Variants in HS2ST1 observed in about 807,000 individuals in gnomAD.
HS2ST1 encodes the protein heparan sulfate 2-O-sulfotransferase 1.
HS2ST1 carries 18 observed loss-of-function variants against 42.9 expected under a neutral mutation model. The observed-to-expected ratio is 0.42, with a 90% confidence interval of 0.29 to 0.62. HS2ST1 has a LOEUF of 0.62. Ranked by LOEUF, HS2ST1 falls within the 20% of genes least tolerant of loss-of-function variation. HS2ST1 has a pLI of 0.21. For missense variants in HS2ST1, 334 were observed against 433.8 expected, an observed-to-expected ratio of 0.77 and a Z score of 2.04; for synonymous variants, 146 against 152.9, an observed-to-expected ratio of 0.95 and a Z score of 0.33.
intron 1 of HS2ST1, among the ~76,000 whole-genome samples, chr1:87,017,124 C>A (rs1649781715): frequency 1.3e-5 from 2 of 151,772 alleles, no homozygotes; most frequent in African/African-American, 4.8e-5. Flanking sequence ...AGTGTAGCAG[C>A]CTTTCTCTCT....
chr1:86,914,907 G>C lies in HS2ST1; in HGVS notation c.-130G>C. The C allele has an allele frequency of 8.7e-7, 1 of 1,143,802 alleles. No homozygotes were observed. The highest frequency in any genetic ancestry group is 1.3e-6 in the Non-Finnish European group (1 of 797,160). 70.9% of individuals were successfully genotyped at this position (1,143,802 alleles called of 1,614,324 possible). A position where few individuals can be genotyped will look rare whatever the true frequency, so the allele number is the denominator to read the frequency against. On this transcript the variant is annotated 5_prime_UTR_variant, in exon 1 of 7. Coordinates refer to ENST00000370550, the MANE Select transcript of HS2ST1 (RefSeq NM_012262.4). ...AGAGGCGAGAAGGGGGGTCGCTGCG[G>C]TGGTTCTCTCGCTGTCGCTCTCTCT...
intron 1 of HS2ST1, among the ~76,000 whole-genome samples, chr1:86,957,111 G>T (rs936644211): frequency 5.3e-5 from 8 of 152,112 alleles, no homozygotes; most frequent in African/African-American, 1.9e-4. Context: ...GAATTTTTAG[G>T]TAATGAACAA....
chr1:86,966,528 T>C (rs1282475531), intron 1 of HS2ST1, among the ~76,000 whole-genome samples: 2 of 152,260 alleles, frequency 1.3e-5, no homozygotes, highest in African/African-American at 4.8e-5. Context: ...TATTTCTTAG[T>C]TGGATTAGAA....
chr1:86,967,214 G>C (rs975730836), intron 1 of HS2ST1, among the ~76,000 whole-genome samples: 1 of 152,088 alleles, frequency 6.6e-6, no homozygotes, highest in Non-Finnish European at 1.5e-5. Flanking sequence ...CTTTGAAGGA[G>C]TATTAGGATC....
chr1:87,076,585 CTA>C (rs1299045396), intron 2 of HS2ST1, among the ~76,000 whole-genome samples: 1 of 151,938 alleles, frequency 6.6e-6, no homozygotes, highest in South Asian at 2.1e-4. Context: ...GTATGAGAAA[CTA>C]AGCAATTAGA....
At chr1:87,100,518 C>G (rs530045356) in intron 5 of HS2ST1, among the ~76,000 whole-genome samples, 1 of 152,302 alleles carries the variant, frequency 6.6e-6, no homozygotes, top group Non-Finnish European at 1.5e-5. Flanking sequence ...CCTTTGAGGC[C>G]TTTTTCCCAT....
At chr1:86,958,762 T>TA (rs1259362800) in intron 1 of HS2ST1, among the ~76,000 whole-genome samples, 2 of 152,278 alleles carry the variant, frequency 1.3e-5, no homozygotes, top group Non-Finnish European at 1.5e-5. Context: ...GAGTACCTAA[T>TA]ACCGAAGACC....
intron 1 of HS2ST1, among the ~76,000 whole-genome samples, chr1:86,953,082 A>G (rs1283623116): frequency 6.6e-6 from 1 of 152,208 alleles, no homozygotes; most frequent in East Asian, 1.9e-4. Context: ...AACTTCCTAC[A>G]GCTTCTGCAT....
At chr1:87,014,409 C>T (rs919029639) in intron 1 of HS2ST1, among the ~76,000 whole-genome samples, 1 of 152,150 alleles carries the variant, frequency 6.6e-6, no homozygotes, top group Non-Finnish European at 1.5e-5. Flanking sequence ...AGACCTGCCC[C>T]CATGATTCAG....
At chr1:87,103,319 G>C (rs1040462758) in intron 5 of HS2ST1, 113 bp from the exon 6 acceptor site, 35 of 936,764 alleles carry the variant, frequency 3.7e-5, no homozygotes, top group Non-Finnish European at 5.0e-5. Context: ...AGGCATTGAG[G>C]CTTTGGATAT....
chr1:86,984,225 G>T (rs186084530), intron 1 of HS2ST1, among the ~76,000 whole-genome samples: 2 of 152,112 alleles, frequency 1.3e-5, no homozygotes, highest in African/African-American at 4.8e-5. Flanking sequence ...TGTATATTTG[G>T]AGTGAAAAAC....
intron 1 of HS2ST1, among the ~76,000 whole-genome samples, chr1:87,011,563 C>T (rs180717336): frequency 1.3e-5 from 2 of 152,198 alleles, no homozygotes; most frequent in African/African-American, 2.4e-5. Flanking sequence ...ATTCTTAATG[C>T]CACTTGAATG....
chr1:87,023,321 T>C (rs563224995), intron 1 of HS2ST1, among the ~76,000 whole-genome samples: 224 of 152,136 alleles, frequency 1.5e-3, no homozygotes, highest in Middle Eastern at 6.8e-3. Context: ...TTTTTTGTCA[T>C]AAAAAAAGAT....
chr1:86,953,235 T>C (rs1647574764), intron 1 of HS2ST1, among the ~76,000 whole-genome samples: 1 of 152,218 alleles, frequency 6.6e-6, no homozygotes, highest in South Asian at 2.1e-4. Flanking sequence ...GCATTTGCTC[T>C]GGGGTAGGCT....
intron 1 of HS2ST1, among the ~76,000 whole-genome samples, chr1:87,006,633 A>G (rs1184933224): frequency 5.3e-5 from 8 of 152,118 alleles, no homozygotes; most frequent in Non-Finnish European, 8.8e-5. Context: ...TCATTTCTTT[A>G]TATTGATCCA....
chr1:86,938,436 C>T (rs180904421), intron 1 of HS2ST1, among the ~76,000 whole-genome samples: 114 of 152,134 alleles, frequency 7.5e-4, no homozygotes, highest in African/African-American at 2.5e-3. Context: ...TGAATAATTC[C>T]TCCTGCCCAT....
intron 5 of HS2ST1, among the ~76,000 whole-genome samples, chr1:87,099,859 G>T (rs537262228): frequency 1.3e-5 from 2 of 152,164 alleles, no homozygotes; most frequent in Non-Finnish European, 2.9e-5. Flanking sequence ...AAAGAAAGGC[G>T]CAGTAGGCCC....
At chr1:87,035,924 C>T (rs948425111) in intron 1 of HS2ST1, among the ~76,000 whole-genome samples, 1 of 151,828 alleles carries the variant, frequency 6.6e-6, no homozygotes, top group African/African-American at 2.4e-5. Flanking sequence ...CTGCATCCAT[C>T]AACCCATCAT....
At chr1:87,066,401 T>C (rs1048093599) in intron 1 of HS2ST1, among the ~76,000 whole-genome samples, 2 of 152,166 alleles carry the variant, frequency 1.3e-5, no homozygotes, top group Non-Finnish European at 2.9e-5. Flanking sequence ...CCGTGTGATC[T>C]GTAGGCTATA....
Sources: gnomAD v4.1 joint callset for allele counts (sites outside exome capture counted in the v4.1 genomes callset) on GRCh38, gnomAD v4.1.1 for gene constraint, MANE v1.5 for transcripts, NCBI Gene and HGNC (gene_info 2026-07-23, HGNC 2026-07-21) for gene names.